The following RBMS3 variants were observed in gnomAD, a reference collection of about 807,000 sequenced individuals.
RBMS3 encodes the protein RNA binding motif single stranded interacting protein 3, also known as RNA-binding motif, single-stranded-interacting protein 3.
Under a neutral mutation model 66.8 loss-of-function variants are expected in RBMS3, and 27 were observed. The observed-to-expected ratio is 0.40, with a 90% CI of 0.30 to 0.56. The LOEUF (loss-of-function observed/expected upper bound fraction) is 0.56. Among genes scored for constraint, RBMS3 ranks in the 20% least tolerant of loss-of-function variants. The pLI is 0.40. For synonymous variants in RBMS3, 188 were observed against 183.0 expected (o/e 1.03, Z -0.22); for missense variants, 513 against 549.5 (o/e 0.93, Z 0.66).
intron 6 of RBMS3, among the ~76,000 whole-genome samples, chr3:29,820,188 C>CA (rs71091078): frequency 2.0e-4 from 14 of 69,810 alleles, no homozygotes; most frequent in Non-Finnish European, 2.8e-4. Flanking sequence ...GACTTCTTCT[C>CA]AAAAAAAAAA....
At chr3:29,946,981 T>C (rs1695360619) in intron 12 of RBMS3, among the ~76,000 whole-genome samples, 1 of 151,518 alleles carries the variant, frequency 6.6e-6, no homozygotes, top group South Asian at 2.1e-4. Context: ...AATTATGATA[T>C]TGGCAAGAAA....
intron 1 of RBMS3, among the ~76,000 whole-genome samples, chr3:29,330,288 GTGTT>G (rs1218618169): frequency 1.3e-5 from 2 of 152,118 alleles, no homozygotes; most frequent in Admixed American, 6.6e-5. Context: ...TTCAGAGTGG[GTGTT>G]TGTTTGTAGG....
chr3:29,609,297 G>T (rs1228466039), intron 4 of RBMS3, among the ~76,000 whole-genome samples: 1 of 151,976 alleles, frequency 6.6e-6, no homozygotes, highest in African/African-American at 2.4e-5. Context: ...GGTGACAACT[G>T]CAGTATTGGA....
chr3:29,858,531 A>G (rs576986180), intron 6 of RBMS3, among the ~76,000 whole-genome samples: 2 of 152,326 alleles, frequency 1.3e-5, no homozygotes, highest in South Asian at 2.1e-4. Flanking sequence ...GTCTGTTGCT[A>G]CATCAACCAA....
chr3:29,628,918 TC>T (rs1158032183), intron 4 of RBMS3, among the ~76,000 whole-genome samples: 1 of 152,112 alleles, frequency 6.6e-6, no homozygotes, highest in Non-Finnish European at 1.5e-5. Context: ...CCATGTGTTT[TC>T]CCTCACACAG....
chr3:29,924,083 A>G (rs540501081), intron 10 of RBMS3, among the ~76,000 whole-genome samples: 2 of 152,350 alleles, frequency 1.3e-5, no homozygotes, highest in South Asian at 2.1e-4. Flanking sequence ...TTCTTGCACA[A>G]TACAATTCTA....
intron 4 of RBMS3, among the ~76,000 whole-genome samples, chr3:29,709,443 T>A (rs2053057413): frequency 6.6e-6 from 1 of 152,180 alleles, no homozygotes; most frequent in Non-Finnish European, 1.5e-5. Flanking sequence ...TTGGAGAAAA[T>A]GAAAAGAGTA....
intron 3 of RBMS3, among the ~76,000 whole-genome samples, chr3:29,507,499 A>T (rs906731392): frequency 3.9e-5 from 2 of 51,606 alleles, no homozygotes. Context: ...TTAATTGCGA[A>T]AAAAAAAGAC....
At chr3:29,576,294 T>C (rs2047117340) in intron 3 of RBMS3, among the ~76,000 whole-genome samples, 1 of 152,186 alleles carries the variant, frequency 6.6e-6, no homozygotes, top group South Asian at 2.1e-4. Context: ...TCTTCTCCTT[T>C]TCCTTTACTT....
At chr3:29,679,495 G>A (rs1382984474) in intron 4 of RBMS3, among the ~76,000 whole-genome samples, 1 of 152,022 alleles carries the variant, frequency 6.6e-6, no homozygotes, top group African/African-American at 2.4e-5. Flanking sequence ...ATTTAATCAA[G>A]CATTTAATTT....
At chr3:29,983,574 A>G (rs1450203962) in intron 12 of RBMS3, among the ~76,000 whole-genome samples, 1 of 151,906 alleles carries the variant, frequency 6.6e-6, no homozygotes, top group Non-Finnish European at 1.5e-5. Context: ...TTCCATATTT[A>G]GTATTTCCTT....
rs144926554 is a variant in RBMS3 at position 29,520,251 on chromosome 3, C to T, written c.307+31752C>T. 3.0e-3 allele frequency among the ~76,000 whole-genome samples: 454 copies of T among 152,196 alleles called. 2 individuals carry two copies. Among genetic ancestry groups the T allele is most frequent in the African/African-American group, 0.01 (421 of 41,534 alleles). ...GTTTTAAAAACCTACTATTAAAAAG[C>T]GTGCAGTATCTTGTTAATAATTTTA... On this transcript the variant is annotated intron_variant, in intron 3 of 14. Coordinates refer to ENST00000383767, the MANE Select transcript of RBMS3 (RefSeq NM_001003793.3).
At chr3:29,335,115 A>ATT (rs34400668) in intron 1 of RBMS3, among the ~76,000 whole-genome samples, 12 of 149,588 alleles carry the variant, frequency 8.0e-5, no homozygotes, top group African/African-American at 1.7e-4. Context: ...TATGTTTGAC[A>ATT]TTTTTTTTTT....
At chr3:29,631,348 T>C (rs974995249) in intron 4 of RBMS3, among the ~76,000 whole-genome samples, 1 of 151,832 alleles carries the variant, frequency 6.6e-6, no homozygotes, top group African/African-American at 2.4e-5. Flanking sequence ...TTTGGTGCCA[T>C]CATTTCATCT....
chr3:29,286,898 T>A (rs950376452), intron 1 of RBMS3, among the ~76,000 whole-genome samples: 1 of 152,164 alleles, frequency 6.6e-6, no homozygotes, highest in Non-Finnish European at 1.5e-5. Flanking sequence ...AGTAAATGGT[T>A]GATGTTTATT....
intron 14 of RBMS3, among the ~76,000 whole-genome samples, chr3:29,994,021 G>A (rs539139045): frequency 1.1e-4 from 16 of 150,400 alleles, no homozygotes; most frequent in African/African-American, 2.0e-4. Flanking sequence ...CTGATGTACC[G>A]GGTTCATCTC....
chr3:30,008,507 C>G lies in RBMS3; in HGVS notation c.*4645C>G, dbSNP rs1699866661. ...ACCTTGATCTATATTACTTTGTCTT[C>G]AGTAAAAAGTGAAGGATGAGATTTT... On this transcript the variant is annotated 3_prime_UTR_variant, in exon 15 of 15. Transcript: ENST00000383767. 6.6e-6 allele frequency: 1 copy of G among 152,010 alleles called. No homozygotes were observed. The highest frequency in any genetic ancestry group is 2.4e-5 in the African/African-American group (1 of 41,408). 9.4% of individuals were successfully genotyped at this position (152,010 alleles called of 1,614,324 possible). A position where few individuals can be genotyped will look rare whatever the true frequency, so the allele number is the denominator to read the frequency against.
At chr3:29,675,656 A>G (rs2051214763) in intron 4 of RBMS3, among the ~76,000 whole-genome samples, 1 of 152,262 alleles carries the variant, frequency 6.6e-6, no homozygotes, top group South Asian at 2.1e-4. Context: ...ACATTTATGC[A>G]GCCAACAGAC....
intron 5 of RBMS3, among the ~76,000 whole-genome samples, chr3:29,749,722 C>G (rs886987012): frequency 2.6e-5 from 4 of 152,108 alleles, no homozygotes; most frequent in Admixed American, 1.3e-4. Flanking sequence ...ATGTATCATG[C>G]CAGTCTTTTC....
Sources: gnomAD v4.1 joint callset for allele counts (sites outside exome capture counted in the v4.1 genomes callset) on GRCh38, gnomAD v4.1.1 for gene constraint, MANE v1.5 for transcripts, NCBI Gene and HGNC (gene_info 2026-07-23, HGNC 2026-07-21) for gene names.